Variants in LPAR1 observed in about 807,000 individuals in gnomAD.
The protein encoded by LPAR1 is lysophosphatidic acid receptor 1.
LPAR1 carries 5 observed loss-of-function variants against 23.8 expected under a neutral mutation model. The ratio of observed to expected loss-of-function variants is 0.21; its 90% confidence interval spans 0.11 to 0.44. The LOEUF (loss-of-function observed/expected upper bound fraction) is 0.44. Ranked by LOEUF, LPAR1 falls within the 20% of genes least tolerant of loss-of-function variation. LPAR1 has a pLI of 0.99. For synonymous variants in LPAR1, 160 were observed against 164.7 expected (o/e 0.97, Z 0.22); for missense variants, 311 against 482.8 (o/e 0.64, Z 3.33).
chr9:111,033,727 A>G (rs2097844331), intron 2 of LPAR1, among the ~76,000 whole-genome samples: 1 of 151,938 alleles, frequency 6.6e-6, no homozygotes, highest in South Asian at 2.1e-4. Flanking sequence ...AATTTTTTGT[A>G]TTTTTAGTAG....
intron 5 of LPAR1, among the ~76,000 whole-genome samples, chr9:110,890,968 A>G (rs959033772): frequency 2.6e-5 from 4 of 152,240 alleles, no homozygotes; most frequent in African/African-American, 9.6e-5. Flanking sequence ...CTTATTAGAA[A>G]CCAACAGAAA....
At chr9:110,897,296 C>T (rs939717979) in intron 5 of LPAR1, among the ~76,000 whole-genome samples, 1 of 152,120 alleles carries the variant, frequency 6.6e-6, no homozygotes, top group Non-Finnish European at 1.5e-5. Flanking sequence ...GATTTAAAAA[C>T]AGGAGTTTCT....
At chr9:110,923,926 G>A (rs921191792) in intron 5 of LPAR1, among the ~76,000 whole-genome samples, 2 of 152,126 alleles carry the variant, frequency 1.3e-5, no homozygotes, top group African/African-American at 4.8e-5. Flanking sequence ...CTTCAAAGGA[G>A]TACATATATT....
In LPAR1 at chr9:110,895,031, A is replaced by G. The variant is rs567033033; in HGVS notation, c.794-19309T>C. On this transcript the variant is annotated intron_variant, in intron 5 of 5. Coordinates refer to ENST00000683809, the MANE Select transcript of LPAR1 (RefSeq NM_001351411.2). ...AGACCTAGTCTTAAAAAATAAAAAA[A>G]GAATATAAAATGAATATTTGCTTTT... Among the ~76,000 whole-genome samples the G allele has an allele frequency of 5.3e-5, 8 of 152,366 alleles. 1 individual carries two copies. The South Asian group carries it at 1.7e-3, about 32-fold the overall frequency.
At chr9:110,968,668 T>C (rs1334911447) in intron 4 of LPAR1, among the ~76,000 whole-genome samples, 1 of 152,204 alleles carries the variant, frequency 6.6e-6, no homozygotes, top group Non-Finnish European at 1.5e-5. Context: ...TAACTTTTTG[T>C]TTTATCTGTG....
Position 110,893,918 on chromosome 9 carries a change from T to TA in LPAR1, c.794-18197dup, listed in dbSNP as rs556451698. On this transcript the variant is annotated intron_variant, in intron 5 of 5. Coordinates refer to ENST00000683809, the MANE Select transcript of LPAR1 (RefSeq NM_001351411.2). Reference sequence around the variant, plus strand: ...AGGAAAAAAGAGGAAGGACAGACAGTAGACTTTGATAATGATATTGATGTA... The same window carrying TA: ...AGGAAAAAAGAGGAAGGACAGACAGTAAGACTTTGATAATGATATTGATGTA... Among the ~76,000 whole-genome samples the TA allele has an allele frequency of 2.2e-4, 33 of 152,314 alleles. No individual in the cohort carries two copies. The South Asian group carries it at 6.8e-3, about 32-fold the overall frequency.
chr9:110,920,142 C>G (rs1221305114), intron 5 of LPAR1, among the ~76,000 whole-genome samples: 1 of 152,242 alleles, frequency 6.6e-6, no homozygotes, highest in South Asian at 2.1e-4. Context: ...CAAAATTATA[C>G]CCTGATTATG....
intron 2 of LPAR1, among the ~76,000 whole-genome samples, chr9:111,016,661 A>C (rs2097453255): frequency 6.6e-6 from 1 of 152,218 alleles, no homozygotes; most frequent in Non-Finnish European, 1.5e-5. Context: ...TATTGAGCTT[A>C]ATAACCTTGA....
chr9:111,020,117 A>G (rs2097535383), intron 2 of LPAR1, among the ~76,000 whole-genome samples: 1 of 152,152 alleles, frequency 6.6e-6, no homozygotes, highest in Admixed American at 6.5e-5. Flanking sequence ...TTTAATCCTA[A>G]TTATCTCCTA....
intron 5 of LPAR1, among the ~76,000 whole-genome samples, chr9:110,927,057 C>T (rs2094093306): frequency 6.6e-6 from 1 of 152,184 alleles, no homozygotes; most frequent in Non-Finnish European, 1.5e-5. Context: ...GCCCTTGGAC[C>T]ACACCTGGAG....
chr9:110,885,254 G>T (rs191959185), intron 5 of LPAR1, among the ~76,000 whole-genome samples: 17 of 152,250 alleles, frequency 1.1e-4, no homozygotes, highest in Admixed American at 1.0e-3. Flanking sequence ...AAATGCAGTG[G>T]GTGGGGGGTC....
At chr9:110,917,604 A>G (rs531191924) in intron 5 of LPAR1, among the ~76,000 whole-genome samples, 58 of 152,316 alleles carry the variant, frequency 3.8e-4, no homozygotes, top group African/African-American at 1.3e-3. Context: ...AATGTGCCAT[A>G]AAGAATGTAG....
intron 5 of LPAR1, among the ~76,000 whole-genome samples, chr9:110,913,872 G>A (rs1035228293): frequency 1.3e-5 from 2 of 152,172 alleles, no homozygotes; most frequent in African/African-American, 4.8e-5. Context: ...TCAAAGAGGA[G>A]AGAACATCTA....
At chr9:110,968,280 A>G (rs1165516036) in intron 4 of LPAR1, among the ~76,000 whole-genome samples, 2 of 152,176 alleles carry the variant, frequency 1.3e-5, no homozygotes, top group African/African-American at 2.4e-5. Context: ...AGCTGCTGGC[A>G]TGAAGTCAAT....
chr9:111,012,816 G>A (rs1236298649), intron 2 of LPAR1, among the ~76,000 whole-genome samples: 1 of 152,068 alleles, frequency 6.6e-6, no homozygotes. Flanking sequence ...AGAGGAAAAG[G>A]CAAGGAAAGA....
At chr9:111,015,389 A>G (rs1318801001) in intron 2 of LPAR1, among the ~76,000 whole-genome samples, 4 of 152,108 alleles carry the variant, frequency 2.6e-5, no homozygotes, top group African/African-American at 9.7e-5. Flanking sequence ...TGTCTTTCGT[A>G]TCTACCTTCT....
chr9:110,935,505 T>C (rs2094641872), intron 5 of LPAR1, among the ~76,000 whole-genome samples: 1 of 151,976 alleles, frequency 6.6e-6, no homozygotes, highest in African/African-American at 2.4e-5. Flanking sequence ...GAAAAAAATA[T>C]TGGCTGGGCA....
At chr9:110,947,377 A>C (rs564591708) in intron 4 of LPAR1, among the ~76,000 whole-genome samples, 59 of 152,378 alleles carry the variant, frequency 3.9e-4, no homozygotes, top group African/African-American at 1.3e-3. Flanking sequence ...AAAACTGAAA[A>C]GAGAAGTTCA....
At chr9:110,985,429 T>G (rs2096759145) in intron 2 of LPAR1, among the ~76,000 whole-genome samples, 1 of 85,852 alleles carries the variant, frequency 1.2e-5, no homozygotes, top group East Asian at 2.2e-4. Flanking sequence ...TCTATCATTT[T>G]TTCTACAGGG....
Sources: allele counts gnomAD v4.1 joint callset (sites outside exome capture counted in the v4.1 genomes callset), GRCh38; gene constraint gnomAD v4.1.1; transcripts MANE v1.5; gene names NCBI Gene and HGNC (gene_info 2026-07-23, HGNC 2026-07-21).